The following CACNA2D3 variants were observed in gnomAD, a reference collection of about 807,000 sequenced individuals.
The protein encoded by CACNA2D3 is calcium voltage-gated channel auxiliary subunit alpha2delta 3.
CACNA2D3 carries 60 observed loss-of-function variants against 160.6 expected under a neutral mutation model. The ratio of observed to expected loss-of-function variants is 0.37; its 90% CI spans 0.30 to 0.46. CACNA2D3 has a LOEUF of 0.46. Among genes scored for constraint, CACNA2D3 ranks in the 20% least tolerant of loss-of-function variants. The pLI, the probability that CACNA2D3 is intolerant of heterozygous loss-of-function variation, is 1.00. For synonymous variants in CACNA2D3, 558 were observed against 492.9 expected, an observed-to-expected ratio of 1.13 and a Z score of -1.75; for missense variants, 1,205 against 1,365.0, an observed-to-expected ratio of 0.88 and a Z score of 1.85.
At chr3:54,595,943 G>A (rs1702945760) in intron 9 of CACNA2D3, among the ~76,000 whole-genome samples, 1 of 151,888 alleles carries the variant, frequency 6.6e-6, no homozygotes, top group Admixed American at 6.6e-5. Context: ...CTCTATATAG[G>A]GCCCCTTGAA....
intron 9 of CACNA2D3, among the ~76,000 whole-genome samples, chr3:54,601,221 AG>A (rs1703054024): frequency 6.6e-6 from 1 of 152,150 alleles, no homozygotes; most frequent in Admixed American, 6.5e-5. Flanking sequence ...TTTTCTTTGT[AG>A]AGACAGTATC....
intron 2 of CACNA2D3, among the ~76,000 whole-genome samples, chr3:54,299,127 C>G (rs1180364299): frequency 6.6e-6 from 1 of 151,838 alleles, no homozygotes; most frequent in Non-Finnish European, 1.5e-5. Context: ...TGATACCTCA[C>G]TGGCTTGTTG....
At chr3:54,470,021 C>A (rs116856408) in intron 4 of CACNA2D3, among the ~76,000 whole-genome samples, 2,961 of 152,102 alleles carry the variant, frequency 0.019, 77 homozygotes, top group East Asian at 0.11. Context: ...GATATTATGC[C>A]GGAGAATTTC....
At chr3:54,797,600 C>G (rs1347964513) in intron 13 of CACNA2D3, among the ~76,000 whole-genome samples, 1 of 152,150 alleles carries the variant, frequency 6.6e-6, no homozygotes, top group Non-Finnish European at 1.5e-5. Context: ...TTCACTTTTG[C>G]AAGTTCTTTT....
At chr3:54,452,226 G>A (rs1394324322) in intron 4 of CACNA2D3, among the ~76,000 whole-genome samples, 1 of 152,176 alleles carries the variant, frequency 6.6e-6, no homozygotes, top group Non-Finnish European at 1.5e-5. Flanking sequence ...GAGAAACAAA[G>A]GAACATCTTA....
At chr3:54,255,794 C>T (rs771830773) in intron 2 of CACNA2D3, among the ~76,000 whole-genome samples, 43 of 152,252 alleles carry the variant, frequency 2.8e-4, no homozygotes, top group Non-Finnish European at 4.6e-4. Context: ...TCTACTGCCA[C>T]GTACTCTGGG....
intron 10 of CACNA2D3, among the ~76,000 whole-genome samples, 160 bp downstream of exon 10, chr3:54,628,036 T>C (rs1281283133): frequency 6.6e-6 from 1 of 152,024 alleles, no homozygotes; most frequent in Non-Finnish European, 1.5e-5. Flanking sequence ...ATCCAGACCA[T>C]CCTGGCTAAC....
chr3:54,867,190 G>A (rs1017906078), intron 17 of CACNA2D3, among the ~76,000 whole-genome samples: 28 of 152,168 alleles, frequency 1.8e-4, no homozygotes, highest in Non-Finnish European at 4.1e-4. Flanking sequence ...CCTGGGATTT[G>A]TCCCCTTTTA....
chr3:54,526,819 T>C (rs1434274440), intron 5 of CACNA2D3, among the ~76,000 whole-genome samples: 2 of 152,174 alleles, frequency 1.3e-5, no homozygotes, highest in African/African-American at 4.8e-5. Flanking sequence ...GCCTCCCAAG[T>C]AGCTGGAATT....
intron 27 of CACNA2D3, among the ~76,000 whole-genome samples, chr3:54,965,040 C>T (rs779487294): frequency 1.4e-4 from 21 of 152,104 alleles, no homozygotes; most frequent in African/African-American, 3.6e-4. Flanking sequence ...ATGGCACCAA[C>T]GGCAGATGTC....
At chr3:54,285,491 C>T (rs1702992011) in intron 2 of CACNA2D3, among the ~76,000 whole-genome samples, 1 of 152,182 alleles carries the variant, frequency 6.6e-6, no homozygotes. Context: ...TCTGTAGGCT[C>T]CACCTCTGGG....
At position 54,809,480 on chromosome 3, in the gene CACNA2D3, G is replaced by A. The variant is rs1342237899; in HGVS notation, c.1381-7373G>A. On this transcript the variant is annotated intron_variant, in intron 13 of 37. Transcript: ENST00000474759. ...ACTACAGGCGCCCGCCACCGCGCCCGGCTAATTTTTTGTATTTTTAGTAGA... is the reference window on the plus strand; with the variant it reads ...ACTACAGGCGCCCGCCACCGCGCCCAGCTAATTTTTTGTATTTTTAGTAGA... Among the ~76,000 whole-genome samples, 11 of 143,378 alleles carry A rather than the reference G, an allele frequency of 7.7e-5. 1 individual carries two copies. Among genetic ancestry groups the A allele is most frequent in the Admixed American group, 4.1e-4 (6 of 14,558 alleles). 94.1% of individuals were successfully genotyped at this position (143,378 alleles called of 152,430 possible).
At chr3:54,573,901 G>A (rs912141584) in intron 8 of CACNA2D3, among the ~76,000 whole-genome samples, 2 of 152,072 alleles carry the variant, frequency 1.3e-5, no homozygotes, top group African/African-American at 4.8e-5. Flanking sequence ...TTTCTGCCCT[G>A]ACATAATTGC....
chr3:54,606,341 T>C (rs576345374), intron 9 of CACNA2D3, among the ~76,000 whole-genome samples: 1 of 152,108 alleles, frequency 6.6e-6, no homozygotes, highest in Non-Finnish European at 1.5e-5. Flanking sequence ...GGCTGGATGC[T>C]GGGGAGCAAG....
intron 2 of CACNA2D3, among the ~76,000 whole-genome samples, chr3:54,158,529 T>A (rs1174729340): frequency 6.6e-6 from 1 of 152,216 alleles, no homozygotes; most frequent in Non-Finnish European, 1.5e-5. Context: ...TAAAATCGAA[T>A]CTCTTGAATA....
At chr3:54,627,518 A>G (rs747706785) in intron 9 of CACNA2D3, among the ~76,000 whole-genome samples, 100 of 152,136 alleles carry the variant, frequency 6.6e-4, no homozygotes, top group Middle Eastern at 3.2e-3. Context: ...ACGGGAGAGG[A>G]AAGTGGCAAT....
chr3:54,373,904 T>C (rs778761810), intron 3 of CACNA2D3, among the ~76,000 whole-genome samples: 11 of 152,216 alleles, frequency 7.2e-5, no homozygotes, highest in Non-Finnish European at 1.5e-4. Flanking sequence ...GGAATCTGGA[T>C]GTTTTATCCC....
At chr3:54,268,022 A>T (rs1156520718) in intron 2 of CACNA2D3, among the ~76,000 whole-genome samples, 1 of 152,220 alleles carries the variant, frequency 6.6e-6, no homozygotes, top group African/African-American at 2.4e-5. Flanking sequence ...AAGAAGGGAA[A>T]GCAAAGAAGT....
At chr3:54,990,269 G>A (rs954511410) in intron 31 of CACNA2D3, among the ~76,000 whole-genome samples, 4 of 152,126 alleles carry the variant, frequency 2.6e-5, no homozygotes, top group East Asian at 1.9e-4. Flanking sequence ...AGTGGCTCAC[G>A]CCTGTAATCC....
Sources: allele counts gnomAD v4.1 joint callset (sites outside exome capture counted in the v4.1 genomes callset), GRCh38; gene constraint gnomAD v4.1.1; transcripts MANE v1.5; gene names NCBI Gene and HGNC (gene_info 2026-07-23, HGNC 2026-07-21).